The following ARHGAP17 variants were observed in gnomAD, a reference collection of about 807,000 sequenced individuals.
ARHGAP17 encodes rho GTPase-activating protein 17.
In ARHGAP17, 57 loss-of-function variants were observed where a neutral mutation model predicts 99.5. The ratio of observed to expected loss-of-function variants is 0.57; its 90% CI spans 0.46 to 0.71. ARHGAP17 has a LOEUF of 0.71. Ranked by LOEUF, ARHGAP17 falls within the 30% of genes least tolerant of loss-of-function variation. The probability of loss-of-function intolerance (pLI) is 0.00; values close to 1 mark genes in which losing one functional copy is unlikely to be tolerated. For synonymous variants in ARHGAP17, 417 were observed against 429.6 expected (o/e 0.97, Z 0.36); for missense variants, 1,000 against 1,122.4 (o/e 0.89, Z 1.56).
intron 15 of ARHGAP17, among the ~76,000 whole-genome samples, chr16:24,943,087 G>A (rs7200552): frequency 0.25 from 37,486 of 152,090 alleles, 9,449 homozygotes; most frequent in African/African-American, 0.65. Flanking sequence ...TGGGGGATCC[G>A]GAATTCCAAC....
intron 6 of ARHGAP17, among the ~76,000 whole-genome samples, chr16:24,965,374 G>T (rs1316527720): frequency 6.6e-6 from 1 of 152,226 alleles, no homozygotes; most frequent in Admixed American, 6.5e-5. Flanking sequence ...GGAGGCTGAG[G>T]CAGGAGAATG....
chr16:24,958,691 T>C (rs1296684811), intron 9 of ARHGAP17, among the ~76,000 whole-genome samples: 2 of 152,144 alleles, frequency 1.3e-5, no homozygotes, highest in Non-Finnish European at 2.9e-5. Flanking sequence ...TCCTGGAACT[T>C]AGGGGGAGAA....
chr16:25,011,694 G>A (rs1305779713), intron 1 of ARHGAP17, among the ~76,000 whole-genome samples: 5 of 120,528 alleles, frequency 4.1e-5, no homozygotes, highest in East Asian at 2.7e-4. Flanking sequence ...GCCAGACTCC[G>A]TCTCAAAAAA....
intron 14 of ARHGAP17, among the ~76,000 whole-genome samples, chr16:24,945,319 T>C (rs1023599691): frequency 3.4e-5 from 5 of 148,628 alleles, no homozygotes; most frequent in African/African-American, 1.2e-4. Flanking sequence ...CGAGAACTTG[T>C]CTCAAAAAAA....
At chr16:24,992,760 C>G (rs541065155) in intron 1 of ARHGAP17, among the ~76,000 whole-genome samples, 1 of 152,238 alleles carries the variant, frequency 6.6e-6, no homozygotes, top group Non-Finnish European at 1.5e-5. Context: ...AACATAGAAA[C>G]TGGAATTGGT....
At chr16:25,000,594 C>T (rs2053335073) in intron 1 of ARHGAP17, among the ~76,000 whole-genome samples, 1 of 152,130 alleles carries the variant, frequency 6.6e-6, no homozygotes, top group African/African-American at 2.4e-5. Flanking sequence ...AAACCTCTAC[C>T]TAAATCTACA....
chr16:24,930,765 G>C lies in ARHGAP17; in HGVS notation c.2515+19C>G, dbSNP rs1428701944. 6.2e-7 allele frequency: 1 copy of C among 1,614,226 alleles called. No individual in the cohort carries two copies. Among genetic ancestry groups the C allele is most frequent in the Admixed American group, 1.7e-5 (1 of 60,024 alleles). ...ATGTAGAGCAGACGAGGAAATACGG[G>C]CATTGATGTCCTACTTACCTGTTAC... On this transcript the variant is annotated intron_variant, in intron 19 of 19. Transcript: ENST00000289968.
chr16:24,983,242 C>A (rs1429579431), intron 1 of ARHGAP17, among the ~76,000 whole-genome samples: 1 of 151,270 alleles, frequency 6.6e-6, no homozygotes, highest in Non-Finnish European at 1.5e-5. Flanking sequence ...TGAGCTCAAG[C>A]GATCTGGCTG....
chr16:24,976,101 C>T (rs1161458900), intron 3 of ARHGAP17, among the ~76,000 whole-genome samples: 1 of 152,220 alleles, frequency 6.6e-6, no homozygotes. Context: ...CACCTCACCC[C>T]CTATCCATGG....
intron 6 of ARHGAP17, 86 bp downstream of exon 6, chr16:24,968,265 G>A: frequency 1.4e-6 from 2 of 1,471,918 alleles, no homozygotes; most frequent in African/African-American, 1.4e-5. Flanking sequence ...GAATTGGTGA[G>A]CACTTCCATT....
At chr16:25,007,289 A>C (rs2053532880) in intron 1 of ARHGAP17, among the ~76,000 whole-genome samples, 1 of 152,244 alleles carries the variant, frequency 6.6e-6, no homozygotes, top group Non-Finnish European at 1.5e-5. Flanking sequence ...TATAGTGTGT[A>C]TGTAAAGCAT....
intron 3 of ARHGAP17, 67 bp from the exon 4 acceptor site, chr16:24,970,647 G>C: frequency 7.0e-7 from 1 of 1,431,760 alleles, no homozygotes; most frequent in East Asian, 2.3e-5. Flanking sequence ...ATCTTTTTCA[G>C]ATCATCATTC....
chr16:24,924,871 A>T (rs934065731), intron 19 of ARHGAP17, among the ~76,000 whole-genome samples: 5 of 151,602 alleles, frequency 3.3e-5, no homozygotes, highest in African/African-American at 1.2e-4. Flanking sequence ...TCAAAAATAA[A>T]AAAAAATAAA....
intron 3 of ARHGAP17, among the ~76,000 whole-genome samples, chr16:24,973,445 C>T (rs2052426371): frequency 1.3e-5 from 2 of 152,200 alleles, no homozygotes; most frequent in South Asian, 4.1e-4. Flanking sequence ...AACTCCTCTT[C>T]CCAAGTGCAA....
Position 25,015,323 on chromosome 16 carries a change from A to T in ARHGAP17, c.-62T>A, listed in dbSNP as rs898078124. ...CGGGCAGGGCGGGGGACAGCCTGGC[A>T]GCTACTACATCGCTTCCCGGCCCAA... On this transcript the variant is annotated 5_prime_UTR_variant, in exon 1 of 20. Coordinates refer to ENST00000289968, the MANE Select transcript of ARHGAP17 (RefSeq NM_001006634.3). 1.7e-5 allele frequency: 21 copies of T among 1,247,778 alleles called. No homozygotes were observed. Among genetic ancestry groups the T allele is most frequent in the African/African-American group, 4.7e-5 (3 of 63,518 alleles). 77.3% of individuals were successfully genotyped at this position (1,247,778 alleles called of 1,614,324 possible). A position where few individuals can be genotyped will look rare whatever the true frequency, so the allele number is the denominator to read the frequency against.
intron 6 of ARHGAP17, among the ~76,000 whole-genome samples, chr16:24,966,721 T>C (rs1597421877): frequency 1.3e-5 from 2 of 151,838 alleles, no homozygotes; most frequent in Admixed American, 1.3e-4. Flanking sequence ...GAGTTTGAGG[T>C]TGCAGTGAGC....
intron 1 of ARHGAP17, among the ~76,000 whole-genome samples, chr16:25,014,299 C>T (rs1373465208): frequency 1.3e-5 from 2 of 152,162 alleles, no homozygotes. Context: ...TACAGTACAG[C>T]CAGCTGCCCT....
intron 7 of ARHGAP17, 104 bp from the exon 8 acceptor site, chr16:24,960,083 G>T: frequency 9.2e-7 from 1 of 1,085,656 alleles, no homozygotes; most frequent in Non-Finnish European, 1.4e-6. Context: ...GTGATGGAAA[G>T]CACCACAGAT....
intron 10 of ARHGAP17, among the ~76,000 whole-genome samples, chr16:24,953,527 TC>T (rs2051708277): frequency 6.6e-6 from 1 of 151,790 alleles, no homozygotes; most frequent in Admixed American, 6.6e-5. Flanking sequence ...GTGTAGCAAC[TC>T]CCCCTTTGTG....
Sources: gnomAD v4.1 joint callset for allele counts (sites outside exome capture counted in the v4.1 genomes callset) on GRCh38, gnomAD v4.1.1 for gene constraint, MANE v1.5 for transcripts, NCBI Gene and HGNC (gene_info 2026-07-23, HGNC 2026-07-21) for gene names.